PALS1: variants seen among roughly 807,000 people sequenced by gnomAD.
PALS1 encodes the protein protein PALS1.
PALS1 carries 31 observed loss-of-function variants against 78.9 expected under a neutral mutation model. The observed-to-expected ratio is 0.39, with a 90% CI of 0.30 to 0.53. The LOEUF is 0.53. PALS1 is among the 20% of genes least tolerant of loss of function. The pLI, the probability that PALS1 is intolerant of heterozygous loss-of-function variation, is 0.67. For missense variants in PALS1, 704 were observed against 826.5 expected (o/e 0.85, Z 1.82); for synonymous variants, 276 against 270.9 (o/e 1.02, Z -0.18).
intron 2 of PALS1, among the ~76,000 whole-genome samples, chr14:67,275,478 T>C (rs1371411547): frequency 1.3e-5 from 2 of 152,208 alleles, no homozygotes; most frequent in Non-Finnish European, 2.9e-5. Flanking sequence ...GCCCATTTGA[T>C]TGTGGTGCAT....
intron 8 of PALS1, among the ~76,000 whole-genome samples, chr14:67,306,055 C>T (rs1450027230): frequency 6.6e-6 from 1 of 152,154 alleles, no homozygotes; most frequent in Admixed American, 6.5e-5. Flanking sequence ...CTGCAACCTC[C>T]GCCTCCCAGA....
chr14:67,261,955 G>A (rs1376099169), intron 1 of PALS1, among the ~76,000 whole-genome samples: 3 of 152,056 alleles, frequency 2.0e-5, no homozygotes, highest in Admixed American at 6.6e-5. Flanking sequence ...AAAAAGGATG[G>A]GATTTTGAAG....
At chr14:67,252,852 A>G (rs934524021) in intron 1 of PALS1, among the ~76,000 whole-genome samples, 1 of 152,198 alleles carries the variant, frequency 6.6e-6, no homozygotes, top group Non-Finnish European at 1.5e-5. Flanking sequence ...TCTCCCATAA[A>G]CAGATAATTT....
intron 3 of PALS1, among the ~76,000 whole-genome samples, chr14:67,286,581 C>T (rs573651643): frequency 3.7e-4 from 56 of 152,078 alleles, no homozygotes; most frequent in Non-Finnish European, 6.6e-4. Context: ...CTTAGCCGGG[C>T]GTGGTGGCTC....
chr14:67,256,602 C>T (rs144543117), intron 1 of PALS1, among the ~76,000 whole-genome samples: 4,630 of 152,158 alleles, frequency 0.03, 87 homozygotes, highest in Non-Finnish European at 0.036. Flanking sequence ...GGCTGGAGTG[C>T]AGTGGTGTGA....
rs150334970 is a variant in PALS1 at position 67,302,999 on chromosome 14, G to A, written c.963+428G>A. Among the ~76,000 whole-genome samples, 768 of 152,118 alleles carry A rather than the reference G, an allele frequency of 5.0e-3. 3 individuals are homozygous for A. The highest frequency in any genetic ancestry group is 7.1e-3 in the Non-Finnish European group (483 of 68,004). On this transcript the variant is annotated intron_variant, in intron 7 of 14. Coordinates refer to ENST00000261681, the MANE Select transcript of PALS1 (RefSeq NM_022474.4). The stretch of plus-strand genomic sequence containing the variant: ...ACAGTGCTATAGATCTGCAGTGTCC[G>A]GCATAATAATCACTAGCTGCATATA...
At chr14:67,274,948 C>G (rs2084475832) in intron 2 of PALS1, among the ~76,000 whole-genome samples, 1 of 152,176 alleles carries the variant, frequency 6.6e-6, no homozygotes, top group South Asian at 2.1e-4. Flanking sequence ...TATAAGAATG[C>G]TTGTGATTTT....
intron 3 of PALS1, among the ~76,000 whole-genome samples, chr14:67,284,438 A>AAAAAAAAAAAAAAAAAAAC (rs1329419021): frequency 2.7e-5 from 4 of 145,720 alleles, no homozygotes; most frequent in African/African-American, 5.1e-5. Flanking sequence ...TTAAAAAAAA[A>AAAAAAAAAAAAAAAAAAAC]AAAAAACAGC....
chr14:67,298,303 CAGG>C (rs2084885782), intron 4 of PALS1, among the ~76,000 whole-genome samples: 1 of 152,006 alleles, frequency 6.6e-6, no homozygotes, highest in Non-Finnish European at 1.5e-5. Context: ...CACCTGAGGT[CAGG>C]AGTTCGAGAC....
intron 1 of PALS1, among the ~76,000 whole-genome samples, chr14:67,265,577 G>A (rs2084310008): frequency 6.6e-6 from 1 of 151,122 alleles, no homozygotes; most frequent in South Asian, 2.1e-4. Flanking sequence ...AAATAAAAAA[G>A]CCAGCGCAGT....
At chr14:67,273,474 A>G (rs113031703) in intron 2 of PALS1, among the ~76,000 whole-genome samples, 1,603 of 152,282 alleles carry the variant, frequency 0.011, 26 homozygotes, top group African/African-American at 0.036. Context: ...ATGGCTGCAT[A>G]GTATTCCATG....
chr14:67,311,363 AC>A (rs1280353119), intron 8 of PALS1, among the ~76,000 whole-genome samples: 2 of 150,850 alleles, frequency 1.3e-5, no homozygotes, highest in Non-Finnish European at 2.9e-5. Context: ...ATAGAAATGG[AC>A]CTTGAATTCT....
chr14:67,334,023 C>T lies in PALS1; in HGVS notation c.*1067C>T, dbSNP rs956305696. ...GATCAACAAATGGTCATTGAAAACA[C>T]TTGTTTAGCATTAGAATAAAATTAT... On this transcript the variant is annotated 3_prime_UTR_variant, in exon 15 of 15. Coordinates refer to ENST00000261681, the MANE Select transcript of PALS1 (RefSeq NM_022474.4). 5.2e-5 allele frequency: 8 copies of T among 152,436 alleles called. No individual in the cohort carries two copies. Among genetic ancestry groups the T allele is most frequent in the Non-Finnish European group, 8.8e-5 (6 of 68,002 alleles). The allele number at this position is 152,436 out of a possible 1,614,324, so 9.4% of individuals were successfully genotyped here. A position where few individuals can be genotyped will look rare whatever the true frequency, so the allele number is the denominator to read the frequency against.
intron 1 of PALS1, among the ~76,000 whole-genome samples, chr14:67,269,454 T>C (rs925272528): frequency 6.6e-6 from 1 of 152,128 alleles, no homozygotes; most frequent in Admixed American, 6.5e-5. Context: ...CTGTTTCCAA[T>C]GTGTTATTGG....
intron 3 of PALS1, among the ~76,000 whole-genome samples, chr14:67,285,325 A>C (rs114814527): frequency 1.2e-4 from 18 of 152,240 alleles, no homozygotes; most frequent in African/African-American, 3.4e-4. Flanking sequence ...GTAATATATA[A>C]AAATAAATGA....
At chr14:67,293,715 T>C (rs1566556292) in intron 4 of PALS1, among the ~76,000 whole-genome samples, 3 of 152,218 alleles carry the variant, frequency 2.0e-5, no homozygotes, top group Non-Finnish European at 2.9e-5. Flanking sequence ...AGTACCAATA[T>C]ATTTGGTAAA....
chr14:67,319,759 C>T (rs1256687621), intron 11 of PALS1, among the ~76,000 whole-genome samples: 1 of 152,160 alleles, frequency 6.6e-6, no homozygotes, highest in African/African-American at 2.4e-5. Flanking sequence ...GAAAGTATTC[C>T]AGCTTTCTCT....
At chr14:67,287,050 T>C (rs1256713070) in intron 3 of PALS1, among the ~76,000 whole-genome samples, 1 of 151,992 alleles carries the variant, frequency 6.6e-6, no homozygotes, top group East Asian at 1.9e-4. Context: ...ATCTTGTCTC[T>C]ACAAAAAATA....
Position 67,279,285 on chromosome 14 carries a change from T to C in PALS1, c.115T>C (p.Cys39Arg). 6.2e-7 allele frequency: 1 copy of C among 1,613,836 alleles called. No homozygotes were observed. The highest frequency in any genetic ancestry group is 8.5e-7 in the Non-Finnish European group (1 of 1,179,940). The change falls in exon 3 of 15, where the codon TGC (cysteine) becomes CGC (arginine). Residue 39 changes from cysteine to arginine, a missense_variant. Coordinates refer to ENST00000261681, the MANE Select transcript of PALS1 (RefSeq NM_022474.4). ...HQKHREMAVD[C>R]PGDLGTRMMP... ...GAAGCACCGAGAGATGGCTGTTGAC[T>C]GCCCTGGAGATTTGGGCACCAGGAT...
Sources: gnomAD v4.1 joint callset for allele counts (sites outside exome capture counted in the v4.1 genomes callset) on GRCh38, gnomAD v4.1.1 for gene constraint, MANE v1.5 for transcripts, NCBI Gene and HGNC (gene_info 2026-07-23, HGNC 2026-07-21) for gene names.